FAM200B: variants seen among roughly 807,000 people sequenced by gnomAD.
FAM200B encodes zinc finger BED-type containing 11, also known as protein FAM200B.
Under a neutral mutation model 33.1 loss-of-function variants are expected in FAM200B, and 32 were observed. The observed-to-expected ratio is 0.97, with a 90% confidence interval of 0.73 to 1.30. FAM200B has a LOEUF of 1.30. Ranked by LOEUF, FAM200B falls within the 50% of genes most tolerant of loss-of-function variation. The pLI, the probability that FAM200B is intolerant of heterozygous loss-of-function variation, is 0.00. For synonymous variants in FAM200B, 240 were observed against 264.8 expected, an observed-to-expected ratio of 0.91 and a Z score of 0.91; for missense variants, 741 against 754.0, an observed-to-expected ratio of 0.98 and a Z score of 0.20.
At chr4:15,663,393 G>A in the FAM200B span, among the ~76,000 whole-genome samples, 2 of 152,108 alleles carry the variant, frequency 1.3e-5, no homozygotes, top group Non-Finnish European at 2.9e-5. Flanking sequence ...AAGATATTAG[G>A]GGCCAGAGGT....
chr4:15,669,259 C>A, the FAM200B span, among the ~76,000 whole-genome samples: 1 of 152,102 alleles, frequency 6.6e-6, no homozygotes, highest in Non-Finnish European at 1.5e-5. Flanking sequence ...AGGCTACAAA[C>A]CAGTACAGCA....
At chr4:15,682,458 T>G (rs1718397713) in intron 1 of FAM200B, among the ~76,000 whole-genome samples, 1 of 152,218 alleles carries the variant, frequency 6.6e-6, no homozygotes, top group African/African-American at 2.4e-5. Context: ...ATTGAAGTCC[T>G]TTGTCAGCTC....
At chr4:15,676,344 T>C in the FAM200B span, among the ~76,000 whole-genome samples, 1 of 152,110 alleles carries the variant, frequency 6.6e-6, no homozygotes, top group Non-Finnish European at 1.5e-5. Context: ...CATGATAGAA[T>C]AGGTTGAAAG....
chr4:15,674,097 C>T, the FAM200B span, among the ~76,000 whole-genome samples: 14,083 of 152,106 alleles, frequency 0.093, 798 homozygotes, highest in Non-Finnish European at 0.13. Flanking sequence ...TTTTCCAACA[C>T]TCTGAATCAA....
the FAM200B span, chr4:15,655,367 G>A: frequency 9.0e-7 from 1 of 1,114,238 alleles, no homozygotes; most frequent in Non-Finnish European, 1.1e-6. Context: ...CAGAGGCGGC[G>A]CGCCCCCTTG....
intron 1 of FAM200B, among the ~76,000 whole-genome samples, chr4:15,683,917 A>G (rs774307034): frequency 5.3e-5 from 8 of 152,244 alleles, no homozygotes; most frequent in Non-Finnish European, 8.8e-5. Context: ...AGCAAGCACT[A>G]TTCTAGGAAC....
chr4:15,655,431 C>T, the FAM200B span: 1 of 987,842 alleles, frequency 1.0e-6, no homozygotes, highest in Non-Finnish European at 1.2e-6. Flanking sequence ...CCGGCGGGGA[C>T]GCGGGGGCGC....
the FAM200B span, among the ~76,000 whole-genome samples, chr4:15,673,853 T>C: frequency 6.6e-6 from 1 of 152,206 alleles, no homozygotes; most frequent in Admixed American, 6.5e-5. Flanking sequence ...CCCCTCTCCC[T>C]GTACTATGGC....
the FAM200B span, among the ~76,000 whole-genome samples, chr4:15,643,107 TA>T: frequency 6.6e-6 from 1 of 152,172 alleles, no homozygotes; most frequent in African/African-American, 2.4e-5. Flanking sequence ...GAATATTCAA[TA>T]AAAAAGTAAA....
rs369836273 is a variant in FAM200B at position 15,687,453 on chromosome 4, AAG to A, written c.480_481del (p.Lys161AsnfsTer3). 7.1e-5 allele frequency: 110 copies of A among 1,551,226 alleles called. No individual in the cohort carries two copies. In the African/African-American group the frequency reaches 1.1e-3, roughly 16 times the overall value. On this transcript the variant is annotated frameshift_variant, in exon 2 of 2. Transcript: ENST00000422728. LOFTEE classifies it high-confidence loss of function. Reference sequence around the variant, plus strand: ...TATTTAGTTGCATATCGTGTGGCAAAAGAGAAAATAGCTAACACAGCTGCTGA... The same window carrying A: ...TATTTAGTTGCATATCGTGTGGCAAAAGAAAATAGCTAACACAGCTGCTGA...
chr4:15,640,645 TTTC>T, the FAM200B span: 4 of 432,758 alleles, frequency 9.2e-6, 1 homozygote, highest in South Asian at 2.7e-4. Flanking sequence ...TCCCTTGGGT[TTTC>T]TTTTTTCCCA....
upstream of FAM200B, among the ~76,000 whole-genome samples, chr4:15,679,916 C>T (rs559369895): frequency 3.9e-5 from 6 of 152,244 alleles, no homozygotes; most frequent in South Asian, 8.3e-4. Flanking sequence ...CTGACAGTTA[C>T]CCCTGCAAAT....
the FAM200B span, among the ~76,000 whole-genome samples, chr4:15,664,518 A>G: frequency 7.1e-6 from 1 of 141,804 alleles, no homozygotes; most frequent in African/African-American, 2.6e-5. Context: ...ACATAAACAT[A>G]TCTTTTTCCC....
Position 15,687,309 on chromosome 4 carries a change from A to C in FAM200B, c.332A>C (p.His111Pro), listed in dbSNP as rs1190270966. ...TTAAAAAGGCACTTAGAAACTCAGC[A>C]TGCTGAACTTATTGATAAGCCTCTT... ...SKLKRHLETQ[H>P]AELIDKPLEY... The change falls in exon 2 of 2, where the codon CAT (histidine) becomes CCT (proline). Residue 111 changes from histidine to proline, a missense_variant. Transcript: ENST00000422728. 3 of 1,546,280 alleles carry C rather than the reference A, an allele frequency of 1.9e-6. No homozygotes were observed. The highest frequency in any genetic ancestry group is 2.6e-6 in the Non-Finnish European group (3 of 1,143,780).
the FAM200B span, among the ~76,000 whole-genome samples, chr4:15,655,731 C>T: frequency 1.3e-5 from 2 of 152,220 alleles, no homozygotes; most frequent in African/African-American, 4.8e-5. Flanking sequence ...GCGAGCTCTG[C>T]TTGTGCCCAC....
At chr4:15,646,894 C>T in the FAM200B span, among the ~76,000 whole-genome samples, 2 of 151,758 alleles carry the variant, frequency 1.3e-5, no homozygotes, top group Non-Finnish European at 2.9e-5. Context: ...AGTCAGCCTC[C>T]GTGGGGATGC....
the FAM200B span, among the ~76,000 whole-genome samples, chr4:15,667,815 G>A: frequency 1.3e-5 from 2 of 152,104 alleles, no homozygotes; most frequent in African/African-American, 4.8e-5. Flanking sequence ...GCCAATGTGG[G>A]CGGATCACCT....
chr4:15,654,348 T>C, the FAM200B span, among the ~76,000 whole-genome samples: 1 of 152,226 alleles, frequency 6.6e-6, no homozygotes, highest in Non-Finnish European at 1.5e-5. Flanking sequence ...GGAATGTTAA[T>C]ATTGTTTTAA....
chr4:15,651,181 C>G, the FAM200B span, among the ~76,000 whole-genome samples: 18 of 152,240 alleles, frequency 1.2e-4, no homozygotes, highest in Middle Eastern at 6.8e-3. Context: ...TAGTAAGTAG[C>G]TGATCAAATT....
Sources: allele counts gnomAD v4.1 joint callset (sites outside exome capture counted in the v4.1 genomes callset), GRCh38; gene constraint gnomAD v4.1.1; transcripts MANE v1.5; gene names NCBI Gene and HGNC (gene_info 2026-07-23, HGNC 2026-07-21).